Variants in ZNF780A observed in about 807,000 individuals in gnomAD.
ZNF780A encodes zinc finger protein 780A.
In ZNF780A, 40 loss-of-function variants were observed where a neutral mutation model predicts 56.7. The ratio of observed to expected loss-of-function variants is 0.71; its 90% CI spans 0.55 to 0.92. The LOEUF (loss-of-function observed/expected upper bound fraction) is 0.92, where lower values mean the gene tolerates loss of function less well. Among genes scored for constraint, ZNF780A ranks in the 40% least tolerant of loss-of-function variants. ZNF780A has a pLI of 0.00. For missense variants in ZNF780A, 672 were observed against 783.3 expected (o/e 0.86, Z 1.70); for synonymous variants, 231 against 248.3 (o/e 0.93, Z 0.66).
At chr19:40,072,724 T>G, downstream of ZNF780A, 1 of 1,271,180 alleles carries the variant, frequency 7.9e-7, no homozygotes, top group Non-Finnish European at 1.0e-6. Context: ...CTAACTCTGG[T>G]TGGTATCACA....
chr19:40,076,098 G>A lies in ZNF780A; in HGVS notation c.344C>T (p.Ala115Val), dbSNP rs1038990235. ...KQISTTLGIE[A>V]FYFRNDSEYR... ...TTCTGAGTCATTTCTAAAATAAAAG[G>A]CCTCAATGCCAAGAGTTGTACTTAT... Residue 115 changes from alanine (A) to valine (V), a missense_variant, in exon 6 of 6, where the codon GCC (alanine) becomes GTC (valine). Coordinates refer to ENST00000683561, the MANE Select transcript of ZNF780A (RefSeq NM_001142578.2). 1.2e-6 allele frequency: 2 copies of A among 1,613,556 alleles called. No individual in the cohort carries two copies. Among genetic ancestry groups the A allele is most frequent in the African/African-American group, 2.7e-5 (2 of 74,846 alleles).
chr19:40,084,111 G>C (rs894445441), intron 3 of ZNF780A, among the ~76,000 whole-genome samples: 8 of 151,370 alleles, frequency 5.3e-5, no homozygotes, highest in Non-Finnish European at 8.8e-5. Flanking sequence ...TCACCATGTT[G>C]GCCAGGCTGG....
In ZNF780A at chr19:40,074,382, G is replaced by C; in HGVS notation, c.*134C>G. On this transcript the variant is annotated 3_prime_UTR_variant, in exon 6 of 6. Coordinates refer to ENST00000683561, the MANE Select transcript of ZNF780A (RefSeq NM_001142578.2). ...TTCTCACTGGAATGAATTTTCTGAT[G>C]CTGAATAACGTTTGAACCACAAATG... is the stretch of plus-strand genomic sequence containing the variant. 2.6e-6 allele frequency: 4 copies of C among 1,537,204 alleles called. No homozygotes were observed. Among genetic ancestry groups the C allele is most frequent in the Non-Finnish European group, 3.5e-6 (4 of 1,146,820 alleles).
intron 5 of ZNF780A, among the ~76,000 whole-genome samples, chr19:40,081,253 C>T (rs1974456776): frequency 6.6e-6 from 1 of 151,294 alleles, no homozygotes; most frequent in South Asian, 2.1e-4. Context: ...GGCAAATGGG[C>T]TGGGCACGAT....
intron 5 of ZNF780A, among the ~76,000 whole-genome samples, chr19:40,076,626 A>G (rs1974148711): frequency 6.6e-6 from 1 of 152,232 alleles, no homozygotes; most frequent in Admixed American, 6.5e-5. Context: ...AATCAACAGC[A>G]GCATTCTGCC....
chr19:40,087,943 A>C (rs935617921), intron 2 of ZNF780A, among the ~76,000 whole-genome samples: 1 of 152,208 alleles, frequency 6.6e-6, no homozygotes, highest in African/African-American at 2.4e-5. Flanking sequence ...CTGTTGTGAA[A>C]AGTAGGTATC....
rs1974492664 is a variant in ZNF780A, at chr19:40,081,787, G to A, written c.232+32C>T. The A allele has an allele frequency of 3.8e-6, 6 of 1,562,256 alleles. No homozygotes were observed. In the East Asian group the frequency reaches 1.4e-4, roughly 35 times the overall value. ...CTGAGCACATGTCCAGGACAATGAT[G>A]GCTTCCCCCCGCCTGCTTTACCCTC... On this transcript the variant is annotated intron_variant, in intron 5 of 5. Coordinates refer to ENST00000683561, the MANE Select transcript of ZNF780A (RefSeq NM_001142578.2).
chr19:40,075,032 G>A lies in ZNF780A; in HGVS notation c.1410C>T (p.Asp470=). The A allele has an allele frequency of 1.2e-6, 2 of 1,613,756 alleles. No individual in the cohort carries two copies. Among genetic ancestry groups the A allele is most frequent in the Non-Finnish European group, 1.7e-6 (2 of 1,179,946 alleles). Residue 470 remains aspartate, a synonymous_variant, in exon 6 of 6, where the codon GAC becomes GAT. Transcript: ENST00000683561. ...LIEHSRIHTG[D]KPFECQDCGK... Reference sequence around the variant, plus strand: ...CACAGTCTTGACATTCAAATGGCTTGTCACCAGTATGAATTCGAGAATGTT... The same window carrying A: ...CACAGTCTTGACATTCAAATGGCTTATCACCAGTATGAATTCGAGAATGTT...
chr19:40,085,160 C>A (rs559805880), intron 2 of ZNF780A: 1 of 985,476 alleles, frequency 1.0e-6, no homozygotes, highest in South Asian at 4.7e-5. Context: ...CCTCCTCCCC[C>A]AGTCCCACCT....
rs1973934246 is a variant in ZNF780A at position 40,073,975 on chromosome 19, T to C, written c.*541A>G. ...TGAATTTTAACATGTTGAACAATGTTTGAGCTACAACTAAAGGTCTTCCCA... is the reference window on the plus strand; with the variant it reads ...TGAATTTTAACATGTTGAACAATGTCTGAGCTACAACTAAAGGTCTTCCCA... On this transcript the variant is annotated 3_prime_UTR_variant, in exon 6 of 6. Transcript: ENST00000683561. 2 of 1,059,798 alleles carry C rather than the reference T, an allele frequency of 1.9e-6. No individual in the cohort carries two copies. Among genetic ancestry groups the C allele is most frequent in the Non-Finnish European group, 2.3e-6 (2 of 871,362 alleles). The allele number at this position is 1,059,798 out of a possible 1,614,324, so 65.6% of individuals were successfully genotyped here.
chr19:40,088,738 T>C (rs899463118), intron 2 of ZNF780A, among the ~76,000 whole-genome samples: 3 of 152,206 alleles, frequency 2.0e-5, no homozygotes, highest in African/African-American at 7.2e-5. Context: ...AGCCAAGATA[T>C]GGCATCAACC....
chr19:40,080,463 A>G (rs1974411075), intron 5 of ZNF780A, among the ~76,000 whole-genome samples: 1 of 152,250 alleles, frequency 6.6e-6, no homozygotes, highest in African/African-American at 2.4e-5. Flanking sequence ...GATAAAGAAA[A>G]TGTGGTACAT....
intron 5 of ZNF780A, among the ~76,000 whole-genome samples, chr19:40,076,874 C>G (rs337796): frequency 0.092 from 14,020 of 152,168 alleles, 1,909 homozygotes; most frequent in African/African-American, 0.3. Context: ...CCCACCTGTA[C>G]TCACAACCGG....
chr19:40,075,894 T>C lies in ZNF780A; in HGVS notation c.548A>G (p.His183Arg). Residue 183 changes from histidine (H) to arginine (R), a missense_variant, in exon 6 of 6, where the codon CAT becomes CGT. By Grantham distance (29) the His-to-Arg change is conservative. Coordinates refer to ENST00000683561, the MANE Select transcript of ZNF780A (RefSeq NM_001142578.2). ...YFSRSANLIQ[H>R]QSIHTGEKPF... ...TTTCTCTCCAGTATGAATACTCTGA[T>C]GCTGAATAAGATTTGCACTACGACT... The C allele has an allele frequency of 1.9e-6, 3 of 1,614,156 alleles. No individual in the cohort carries two copies. The highest frequency in any genetic ancestry group is 2.5e-6 in the Non-Finnish European group (3 of 1,180,014).
In ZNF780A at chr19:40,074,490, T is replaced by C. The variant is rs376644218; in HGVS notation, c.*26A>G. ...TGTTGAACATGGTTTGAGACACGAT[T>C]AAAGGACTTTCCACATTCCTTACAT... On this transcript the variant is annotated 3_prime_UTR_variant, in exon 6 of 6. Transcript: ENST00000683561. 6.8e-6 allele frequency: 11 copies of C among 1,611,104 alleles called. No individual in the cohort carries two copies. Among genetic ancestry groups the C allele is most frequent in the African/African-American group, 5.3e-5 (4 of 74,854 alleles).
chr19:40,083,078 G>A (rs1376236784), intron 4 of ZNF780A, 33 bp downstream of exon 4: 1 of 1,613,914 alleles, frequency 6.2e-7, no homozygotes, highest in African/African-American at 1.3e-5. Context: ...CCAGAAAATA[G>A]ATATAAAAAT....
chr19:40,084,059 C>T (rs1974642830), intron 3 of ZNF780A, among the ~76,000 whole-genome samples: 1 of 149,238 alleles, frequency 6.7e-6, no homozygotes, highest in Admixed American at 6.6e-5. Flanking sequence ...ACCACCACAA[C>T]AGGCTAATTT....
At chr19:40,087,512 C>T (rs999517491) in intron 2 of ZNF780A, among the ~76,000 whole-genome samples, 2 of 152,072 alleles carry the variant, frequency 1.3e-5, no homozygotes, top group African/African-American at 4.8e-5. Flanking sequence ...TATTTCTCCC[C>T]CTAAAACCCA....
At chr19:40,072,567 G>A (rs1973867090), downstream of ZNF780A, 5 of 244,896 alleles carry the variant, frequency 2.0e-5, no homozygotes, top group East Asian at 4.2e-4. Context: ...ATAAACCCAG[G>A]CATTCGAGCC....
Sources: allele counts gnomAD v4.1 joint callset (sites outside exome capture counted in the v4.1 genomes callset), GRCh38; gene constraint gnomAD v4.1.1; transcripts MANE v1.5; gene names NCBI Gene and HGNC (gene_info 2026-07-23, HGNC 2026-07-21).